The following DTWD1 variants were observed in gnomAD, a reference collection of about 807,000 sequenced individuals.
DTWD1 encodes the protein tRNA-uridine aminocarboxypropyltransferase 1.
Under a neutral mutation model 30.2 loss-of-function variants are expected in DTWD1, and 27 were observed. The ratio of observed to expected loss-of-function variants is 0.90; its 90% CI spans 0.66 to 1.23. The LOEUF is 1.23. DTWD1 is among the 50% of genes most tolerant of loss of function. The pLI is 0.00. For missense variants in DTWD1, 342 were observed against 348.8 expected, an observed-to-expected ratio of 0.98 and a Z score of 0.15; for synonymous variants, 99 against 113.1, an observed-to-expected ratio of 0.88 and a Z score of 0.79.
Position 49,634,731 on chromosome 15 carries a change from A to T in DTWD1, c.604A>T (p.Ile202Phe), listed in dbSNP as rs767155405. The change falls in exon 4 of 5, where the codon ATT becomes TTT. Residue 202 changes from isoleucine (I) to phenylalanine (F), a missense_variant. Coordinates refer to ENST00000403028, the MANE Select transcript of DTWD1 (RefSeq NM_001144955.2). ...GTGCAAAGGCACAACACTGAAAAAAATTATATTTATAGATAGCACCTGGAA... is the reference window on the plus strand; with the variant it reads ...GTGCAAAGGCACAACACTGAAAAAATTTATATTTATAGATAGCACCTGGAA... ...SKCKGTTLKKIIFIDSTWNQT... is the reference protein window; with the variant it reads ...SKCKGTTLKKFIFIDSTWNQT... The T allele has an allele frequency of 3.1e-6, 5 of 1,608,750 alleles. No homozygotes were observed. The highest frequency in any genetic ancestry group is 3.4e-6 in the Non-Finnish European group (4 of 1,177,506).
chr15:49,626,095 A>G (rs2078840545), intron 2 of DTWD1, among the ~76,000 whole-genome samples: 1 of 152,124 alleles, frequency 6.6e-6, no homozygotes, highest in South Asian at 2.1e-4. Flanking sequence ...TAATGAAACC[A>G]ATTAATTTTT....
At chr15:49,630,532 A>G (rs945347714) in intron 2 of DTWD1, among the ~76,000 whole-genome samples, 10 of 152,238 alleles carry the variant, frequency 6.6e-5, no homozygotes, top group Admixed American at 5.9e-4. Context: ...CATTTTTTTC[A>G]TAATCATGGC....
chr15:49,621,894 T>C (rs1017725124), intron 1 of DTWD1, among the ~76,000 whole-genome samples: 2 of 152,038 alleles, frequency 1.3e-5, no homozygotes, highest in Non-Finnish European at 1.5e-5. Flanking sequence ...CTAAAGAAAA[T>C]TGGAAGTGGT....
Position 49,644,648 on chromosome 15 carries a change from A to G in DTWD1, c.*1070A>G, listed in dbSNP as rs2079103933. Reference sequence around the variant, plus strand: ...CTGGCTCCTTTCCTGCCATGTCATCATCAGTTGGCTGTGTTCCTCTACTAA... The same window carrying G: ...CTGGCTCCTTTCCTGCCATGTCATCGTCAGTTGGCTGTGTTCCTCTACTAA... On this transcript the variant is annotated 3_prime_UTR_variant, in exon 5 of 5. Transcript: ENST00000403028. The G allele has an allele frequency of 6.6e-6, 1 of 152,176 alleles. No individual in the cohort carries two copies. 9.4% of individuals were successfully genotyped at this position (152,176 alleles called of 1,614,324 possible). A position where few individuals can be genotyped will look rare whatever the true frequency, so the allele number is the denominator to read the frequency against.
At chr15:49,631,638 G>A (rs1310432814) in intron 2 of DTWD1, among the ~76,000 whole-genome samples, 2 of 152,064 alleles carry the variant, frequency 1.3e-5, no homozygotes, top group African/African-American at 2.4e-5. Flanking sequence ...GGTGGCAGGT[G>A]CCTGTAATGC....
At position 49,634,770 on chromosome 15, in the gene DTWD1, A is replaced by C. The variant is rs765019693; in HGVS notation, c.643A>C (p.Ile215Leu). 3.8e-6 allele frequency: 6 copies of C among 1,583,630 alleles called. No individual in the cohort carries two copies. The highest frequency in any genetic ancestry group is 5.1e-6 in the Non-Finnish European group (6 of 1,167,992). ...TAGCACCTGGAACCAAACAAACAAA[A>C]TATTCACTGATGAGCGACTTCAAGG... ...IDSTWNQTNK[I>L]FTDERLQGLL... The change falls in exon 4 of 5, where the codon ATA becomes CTA. Residue 215 changes from isoleucine to leucine, a missense_variant. Ile to Leu is a conservative substitution (Grantham distance 5, BLOSUM62 2). Transcript: ENST00000403028.
chr15:49,632,343 A>C, intron 3 of DTWD1, 41 bp downstream of exon 3: 1 of 1,552,694 alleles, frequency 6.4e-7, no homozygotes, highest in Non-Finnish European at 8.6e-7. Context: ...ATTGGATATA[A>C]AAATGAATTT....
rs1038057072 is a variant in DTWD1 at position 49,651,721 on chromosome 15, CTCAG to C, written c.*8149_*8152del. On this transcript the variant is annotated 3_prime_UTR_variant, in exon 5 of 5. Coordinates refer to ENST00000403028, the MANE Select transcript of DTWD1 (RefSeq NM_001144955.2). ...AGTTTGCTTTTCCTCTTTGCAGAGC[CTCAG>C]TCAGTATCACCATTTGAGTTTACTT... 38 of 152,126 alleles carry C rather than the reference CTCAG, an allele frequency of 2.5e-4. 1 individual carries two copies. Among genetic ancestry groups the C allele is most frequent in the Non-Finnish European group, 1.5e-5 (1 of 68,022 alleles). The allele number at this position is 152,126 out of a possible 1,614,324, so 9.4% of individuals were successfully genotyped here. A position where few individuals can be genotyped will look rare whatever the true frequency, so the allele number is the denominator to read the frequency against.
intron 2 of DTWD1, chr15:49,629,568 C>G (rs893744531): frequency 5.3e-5 from 8 of 151,944 alleles, no homozygotes; most frequent in African/African-American, 1.7e-4. Context: ...TTCTTACTTC[C>G]TACCTTCCCT....
chr15:49,626,960 A>G, intron 2 of DTWD1: 1 of 253,150 alleles, frequency 4.0e-6, no homozygotes. Context: ...TGGTTTTTGA[A>G]GTATACGTAG....
At chr15:49,621,762 C>T (rs1239650158) in intron 1 of DTWD1, among the ~76,000 whole-genome samples, 1 of 152,148 alleles carries the variant, frequency 6.6e-6, no homozygotes, top group Non-Finnish European at 1.5e-5. Context: ...AGTTTGTTAC[C>T]ATATGGCGGG....
At chr15:49,633,067 A>ATATATATATG (rs1190348148) in intron 3 of DTWD1, among the ~76,000 whole-genome samples, 2 of 144,766 alleles carry the variant, frequency 1.4e-5, no homozygotes, top group African/African-American at 2.5e-5. Flanking sequence ...ATATATATAT[A>ATATATATATG]TATGTATTTT....
intron 4 of DTWD1, among the ~76,000 whole-genome samples, chr15:49,638,457 C>A (rs528823529): frequency 1.3e-5 from 2 of 152,254 alleles, no homozygotes; most frequent in African/African-American, 4.8e-5. Context: ...TACTTCAACC[C>A]CTGTCCTTTG....
chr15:49,637,264 A>G (rs1279134310), intron 4 of DTWD1, among the ~76,000 whole-genome samples: 2 of 152,104 alleles, frequency 1.3e-5, no homozygotes, highest in Non-Finnish European at 2.9e-5. Context: ...CTTTTTGATA[A>G]TAATCTTTTT....
chr15:49,641,708 T>G (rs1461776219), intron 4 of DTWD1, among the ~76,000 whole-genome samples: 2 of 152,128 alleles, frequency 1.3e-5, no homozygotes, highest in Non-Finnish European at 2.9e-5. Context: ...AATTTTAGGT[T>G]GCCAGTTCTG....
At chr15:49,628,556 A>G (rs907864964) in intron 2 of DTWD1, among the ~76,000 whole-genome samples, 3 of 150,298 alleles carry the variant, frequency 2.0e-5, no homozygotes, top group African/African-American at 7.6e-5. Context: ...CCTAGAATTT[A>G]AAAGGCTCTC....
In DTWD1 at chr15:49,643,351, A is replaced by C. The variant is rs768294740; in HGVS notation, c.688A>C (p.Lys230Gln). 3 of 1,514,416 alleles carry C rather than the reference A, an allele frequency of 2.0e-6. No individual in the cohort carries two copies. The highest frequency in any genetic ancestry group is 2.6e-5 in the South Asian group (2 of 76,160). The allele number at this position is 1,514,416 out of a possible 1,614,324, so 93.8% of individuals were successfully genotyped here. A position where few individuals can be genotyped will look rare whatever the true frequency, so the allele number is the denominator to read the frequency against. ...RLQGLLQVELKTRKTCFWRHQ... is the reference protein window; with the variant it reads ...RLQGLLQVELQTRKTCFWRHQ... Reference sequence around the variant, plus strand: ...GACAGGGTTGTTACAAGTTGAGTTGAAAACAAGAAAAACTTGCTTTTGGCG... The same window carrying C: ...GACAGGGTTGTTACAAGTTGAGTTGCAAACAAGAAAAACTTGCTTTTGGCG... The change falls in exon 5 of 5, where the codon AAA (lysine) becomes CAA (glutamine). Residue 230 changes from lysine (K) to glutamine (Q), a missense_variant. Physicochemically the swap from Lys to Gln is moderately conservative, Grantham distance 53. Transcript: ENST00000403028.
At chr15:49,623,169 T>C (rs1171292350) in intron 1 of DTWD1, among the ~76,000 whole-genome samples, 1 of 152,194 alleles carries the variant, frequency 6.6e-6, no homozygotes, top group East Asian at 1.9e-4. Flanking sequence ...TCCCACTAAA[T>C]AGCTACTCCA....
At chr15:49,629,267 A>G (rs16962673) in intron 2 of DTWD1, among the ~76,000 whole-genome samples, 7,994 of 152,274 alleles carry the variant, frequency 0.052, 360 homozygotes, top group East Asian at 0.23. Context: ...TGGAAAACTA[A>G]CAATACCTTG....
Sources: allele counts gnomAD v4.1 joint callset (sites outside exome capture counted in the v4.1 genomes callset), GRCh38; gene constraint gnomAD v4.1.1; transcripts MANE v1.5; gene names NCBI Gene and HGNC (gene_info 2026-07-23, HGNC 2026-07-21).